Variants in KIF27 observed in about 807,000 individuals in gnomAD.
KIF27 encodes the protein kinesin family member 27.
KIF27 carries 84 observed loss-of-function variants against 141.8 expected under a neutral mutation model. That is an observed-to-expected ratio of 0.59 (90% confidence interval 0.50 to 0.71). KIF27 has a LOEUF of 0.71. Among genes scored for constraint, KIF27 ranks in the 30% least tolerant of loss-of-function variants. The pLI, the probability that KIF27 is intolerant of heterozygous loss-of-function variation, is 0.00. For missense variants in KIF27, 1,306 were observed against 1,628.4 expected, an observed-to-expected ratio of 0.80 and a Z score of 3.41; for synonymous variants, 471 against 569.5, an observed-to-expected ratio of 0.83 and a Z score of 2.46.
chr9:83,908,373 A>C, intron 3 of KIF27, 79 bp downstream of exon 3: 1 of 733,150 alleles, frequency 1.4e-6, no homozygotes. Flanking sequence ...ATTCCTTGGA[A>C]TATATCCAGA....
At chr9:83,871,086 T>A (rs953937291) in intron 11 of KIF27, among the ~76,000 whole-genome samples, 2 of 152,062 alleles carry the variant, frequency 1.3e-5, no homozygotes, top group Non-Finnish European at 2.9e-5. Context: ...AATTTTTTTT[T>A]TTAATTTTTT....
At chr9:83,893,525 T>C (rs1161437700) in intron 5 of KIF27, among the ~76,000 whole-genome samples, 1 of 151,826 alleles carries the variant, frequency 6.6e-6, no homozygotes, top group African/African-American at 2.4e-5. Context: ...GTAAATAAAA[T>C]AACTATGTTA....
chr9:83,918,253 C>T (rs1252703386), intron 1 of KIF27, among the ~76,000 whole-genome samples: 1 of 127,960 alleles, frequency 7.8e-6, no homozygotes, highest in East Asian at 2.3e-4. Flanking sequence ...ATAACGTGGA[C>T]AACACTATAA....
intron 11 of KIF27, among the ~76,000 whole-genome samples, chr9:83,877,929 A>C (rs1042040040): frequency 6.6e-6 from 1 of 152,020 alleles, no homozygotes; most frequent in Non-Finnish European, 1.5e-5. Context: ...TCATTAGGGA[A>C]ATGCAAACCA....
At chr9:83,885,249 T>C (rs1951994769) in intron 9 of KIF27, among the ~76,000 whole-genome samples, 1 of 152,100 alleles carries the variant, frequency 6.6e-6, no homozygotes, top group Non-Finnish European at 1.5e-5. Flanking sequence ...CACGCCACCA[T>C]GCCCAGCTAA....
intron 1 of KIF27, among the ~76,000 whole-genome samples, chr9:83,920,524 C>G (rs1191515492): frequency 3.3e-5 from 5 of 152,130 alleles, no homozygotes; most frequent in Non-Finnish European, 5.9e-5. Flanking sequence ...GTTGCCATCC[C>G]GTACCCTTGA....
chr9:83,897,812 G>C lies in KIF27; in HGVS notation c.1602+1849C>G, dbSNP rs12056961. On this transcript the variant is annotated intron_variant, in intron 5 of 17. Coordinates refer to ENST00000297814, the MANE Select transcript of KIF27 (RefSeq NM_017576.4). Reference sequence around the variant, plus strand: ...GAGACTTGAATGAGTACTTCACAAAGGAGGATATCCAAATAGCCAAAAACA... The same window carrying C: ...GAGACTTGAATGAGTACTTCACAAACGAGGATATCCAAATAGCCAAAAACA... Among the ~76,000 whole-genome samples, 1,219 of 152,024 alleles carry C rather than the reference G, an allele frequency of 8.0e-3. 32 individuals are homozygous for C. Among genetic ancestry groups the C allele is most frequent in the East Asian group, 0.037 (191 of 5,176 alleles).
At chr9:83,841,400 T>C (rs1462860443) in intron 17 of KIF27, among the ~76,000 whole-genome samples, 3 of 152,220 alleles carry the variant, frequency 2.0e-5, no homozygotes, top group Non-Finnish European at 2.9e-5. Context: ...TTTCAGCATA[T>C]ATCACTTCAT....
Position 83,834,721 on chromosome 9 carries a change from A to G in KIF27, c.*2280T>C, listed in dbSNP as rs1043345408. On this transcript the variant is annotated 3_prime_UTR_variant, in exon 18 of 18. Transcript: ENST00000297814. ...ATTATTAGGATCTTCATTAATAAAT[A>G]TTTATTTATAAATATTGCTGTGCTT... Among the ~76,000 whole-genome samples the G allele has an allele frequency of 6.6e-6, 1 of 151,286 alleles. No homozygotes were observed. Among genetic ancestry groups the G allele is most frequent in the Non-Finnish European group, 1.5e-5 (1 of 67,770 alleles).
chr9:83,884,692 T>C (rs942194565), intron 9 of KIF27, among the ~76,000 whole-genome samples: 5 of 152,168 alleles, frequency 3.3e-5, no homozygotes, highest in Non-Finnish European at 5.9e-5. Context: ...ACTAACAATA[T>C]TAACACCAAT....
intron 3 of KIF27, among the ~76,000 whole-genome samples, chr9:83,907,107 G>A (rs1954631135): frequency 6.6e-6 from 1 of 151,642 alleles, no homozygotes; most frequent in Non-Finnish European, 1.5e-5. Context: ...TGGCTAACAC[G>A]GTGAAACCCT....
At chr9:83,867,375 GATCT>G (rs113545887) in intron 13 of KIF27, among the ~76,000 whole-genome samples, 7,736 of 147,962 alleles carry the variant, frequency 0.052, 251 homozygotes, top group Non-Finnish European at 0.074. Flanking sequence ...TACAGAGATA[GATCT>G]ATCTATCTAT....
In KIF27 at chr9:83,837,205, G is replaced by C. The variant is rs541489156; in HGVS notation, c.4002C>G (p.His1334Gln). 1.2e-6 allele frequency: 2 copies of C among 1,614,174 alleles called. No homozygotes were observed. The highest frequency in any genetic ancestry group is 3.3e-5 in the Admixed American group (2 of 60,022). ...CCTGAATTTGGGATGACAGTCGACT[G>C]TGAGATTTTGTAAACTGATTATCAT... ...ETDDNQFTKSHSRLSSQIQVV... is the reference protein window; with the variant it reads ...ETDDNQFTKSQSRLSSQIQVV... The change falls in exon 18 of 18, where the codon CAC becomes CAG. Residue 1334 changes from histidine to glutamine, a missense_variant. Transcript: ENST00000297814.
At chr9:83,879,194 G>A (rs1951475558) in intron 11 of KIF27, among the ~76,000 whole-genome samples, 1 of 146,872 alleles carries the variant, frequency 6.8e-6, no homozygotes. Flanking sequence ...AAAAAAAAAG[G>A]AAAAAAAGTT....
intron 13 of KIF27, among the ~76,000 whole-genome samples, chr9:83,866,768 C>A (rs182705377): frequency 6.6e-6 from 1 of 151,744 alleles, no homozygotes; most frequent in African/African-American, 2.4e-5. Flanking sequence ...CCGAGCTACT[C>A]GGGAGACTGA....
intron 15 of KIF27, among the ~76,000 whole-genome samples, chr9:83,852,827 A>G (rs944119881): frequency 6.6e-6 from 1 of 152,038 alleles, no homozygotes; most frequent in Non-Finnish European, 1.5e-5. Context: ...AAGGATCTCA[A>G]ATTCTGGGCT....
rs1947574522 is a variant in KIF27 at position 83,848,061 on chromosome 9, C to CACATATATG, written c.3556+2037_3556+2038insCATATATGT. Among the ~76,000 whole-genome samples the CACATATATG allele has an allele frequency of 1.0e-4, 2 of 19,292 alleles. 1 individual carries two copies. The highest frequency in any genetic ancestry group is 3.2e-4 in the African/African-American group (2 of 6,308). The allele number at this position is 19,292 out of a possible 152,430, so 12.7% of individuals were successfully genotyped here. On this transcript the variant is annotated intron_variant, in intron 16 of 17. Coordinates refer to ENST00000297814, the MANE Select transcript of KIF27 (RefSeq NM_017576.4). ...TATATATCTACATATATCTATATATCATATATATGATATATGATATATCAT... is the reference window on the plus strand; with the variant it reads ...TATATATCTACATATATCTATATATCACATATATGATATATATGATATATGATATATCAT...
At chr9:83,882,590 G>A (rs1376826296) in intron 10 of KIF27, among the ~76,000 whole-genome samples, 2 of 152,096 alleles carry the variant, frequency 1.3e-5, no homozygotes. Context: ...TTATCCCCAT[G>A]AGTAGTGCAT....
intron 14 of KIF27, among the ~76,000 whole-genome samples, chr9:83,856,529 T>C (rs1337285111): frequency 6.6e-6 from 1 of 151,714 alleles, no homozygotes; most frequent in African/African-American, 2.4e-5. Flanking sequence ...GATCATGAGG[T>C]CAGGAGATCG....
Sources: allele counts gnomAD v4.1 joint callset (sites outside exome capture counted in the v4.1 genomes callset), GRCh38; gene constraint gnomAD v4.1.1; transcripts MANE v1.5; gene names NCBI Gene and HGNC (gene_info 2026-07-23, HGNC 2026-07-21).